The following IMPA1 variants were observed in gnomAD, a reference collection of about 807,000 sequenced individuals.
IMPA1 encodes inositol monophosphatase 1, also known as D-galactose 1-phosphate phosphatase.
A neutral mutation model predicts 34.9 loss-of-function variants in IMPA1; 21 were observed. That is an observed-to-expected ratio of 0.60 (90% CI 0.43 to 0.87). The LOEUF (loss-of-function observed/expected upper bound fraction) is 0.87, where lower values mean the gene tolerates loss of function less well. IMPA1 is among the 40% of genes least tolerant of loss of function. The pLI, the probability that IMPA1 is intolerant of heterozygous loss-of-function variation, is 0.00. For missense variants in IMPA1, 299 were observed against 336.4 expected, an observed-to-expected ratio of 0.89 and a Z score of 0.87; for synonymous variants, 95 against 104.4, an observed-to-expected ratio of 0.91 and a Z score of 0.55.
intron 3 of IMPA1, among the ~76,000 whole-genome samples, chr8:81,679,575 T>C (rs1807231280): frequency 6.7e-6 from 1 of 148,686 alleles, no homozygotes; most frequent in Non-Finnish European, 1.5e-5. Flanking sequence ...ATCGTGCCAC[T>C]GCACTCCAGC....
rs147358947 is a variant in IMPA1 at position 81,686,112 on chromosome 8, G to T, written c.-25+140C>A. ...GCTCCGGATAACGCAGCAGGCAGGGGTCACCCAGAGGCTGCCTCCACCCTA... is the reference window on the plus strand; with the variant it reads ...GCTCCGGATAACGCAGCAGGCAGGGTTCACCCAGAGGCTGCCTCCACCCTA... On this transcript the variant is annotated intron_variant, in intron 1 of 8. Coordinates refer to ENST00000256108, the MANE Select transcript of IMPA1 (RefSeq NM_005536.4). 4.3e-4 allele frequency: 353 copies of T among 826,012 alleles called. 2 individuals carry two copies. The African/African-American group carries it at 5.8e-3, about 14-fold the overall frequency. The allele number at this position is 826,012 out of a possible 1,614,324, so 51.2% of individuals were successfully genotyped here.
intron 7 of IMPA1, among the ~76,000 whole-genome samples, chr8:81,666,725 C>T (rs1806834208): frequency 6.6e-6 from 1 of 151,290 alleles, no homozygotes; most frequent in South Asian, 2.1e-4. Context: ...AATACAAAAG[C>T]CGGGCATGGT....
At chr8:81,668,403 G>A (rs1165573866) in intron 7 of IMPA1, among the ~76,000 whole-genome samples, 7 of 151,950 alleles carry the variant, frequency 4.6e-5, no homozygotes, top group Non-Finnish European at 1.0e-4. Context: ...TGGGCTGCAC[G>A]GCGAACCCCA....
chr8:81,684,126 CACAT>C (rs2130333201), intron 1 of IMPA1, among the ~76,000 whole-genome samples: 1 of 117,432 alleles, frequency 8.5e-6, no homozygotes, highest in African/African-American at 3.0e-5. Context: ...CACACACACA[CACAT>C]ACACACATAC....
rs1563589879 is a variant in IMPA1, at chr8:81,680,782, AC to A, written c.64del (p.Val22Ter). On this transcript the variant is annotated frameshift_variant and splice_region_variant, in exon 3 of 9. Transcript: ENST00000256108. LOFTEE classifies it high-confidence loss of function. ...AVTLARQAGEVVCEAIKNEMN... is the reference protein window; with the variant it reads ...AVTLARQAGEXVCEAIKNEMN... ...TTCATTTTTTATAGCTTCACAAACTACCTAAAAAGAGGTTTTGGTAAGCAAA... is the reference window on the plus strand; with the variant it reads ...TTCATTTTTTATAGCTTCACAAACTACTAAAAAGAGGTTTTGGTAAGCAAA... 1 of 1,594,010 alleles carries A rather than the reference AC, an allele frequency of 6.3e-7. No homozygotes were observed. The highest frequency in any genetic ancestry group is 8.6e-7 in the Non-Finnish European group (1 of 1,167,662).
At position 81,657,238 on chromosome 8, in the gene IMPA1, A is replaced by G. The variant is rs1220267282; in HGVS notation, c.*2113T>C. Among the ~76,000 whole-genome samples, 2 of 152,182 alleles carry G rather than the reference A, an allele frequency of 1.3e-5. No homozygotes were observed. Among genetic ancestry groups the G allele is most frequent in the African/African-American group, 2.4e-5 (1 of 41,458 alleles). ...GGAAAGATTACAGGCAAAAAATAAG[A>G]ACATATATTAAATTACATTTGCAAG... is the stretch of plus-strand genomic sequence containing the variant. On this transcript the variant is annotated 3_prime_UTR_variant, in exon 9 of 9. Coordinates refer to ENST00000256108, the MANE Select transcript of IMPA1 (RefSeq NM_005536.4).
In IMPA1 at chr8:81,684,564, T is replaced by TATCTA. The variant is rs1261951050; in HGVS notation, c.-25+1687_-25+1688insTAGAT. Among the ~76,000 whole-genome samples, 998 of 142,934 alleles carry TATCTA rather than the reference T, an allele frequency of 7.0e-3. 92 individuals carry two copies. The highest frequency in any genetic ancestry group is 8.9e-3 in the Non-Finnish European group (587 of 65,718). 93.8% of individuals were successfully genotyped at this position (142,934 alleles called of 152,430 possible). Reference sequence around the variant, plus strand: ...ACATAAGTATCTTTAGATACTAATGTGTAGTATATATACTACACATAAGTA... The same window carrying TATCTA: ...ACATAAGTATCTTTAGATACTAATGTATCTAGTAGTATATATACTACACATAAGTA... On this transcript the variant is annotated intron_variant, in intron 1 of 8. Coordinates refer to ENST00000256108, the MANE Select transcript of IMPA1 (RefSeq NM_005536.4).
At chr8:81,686,084 G>T in intron 1 of IMPA1, 168 bp downstream of exon 1, 2 of 950,760 alleles carry the variant, frequency 2.1e-6, no homozygotes, top group Non-Finnish European at 1.4e-6. Context: ...GTCGCCCAGG[G>T]CAGCTCCGGA....
chr8:81,681,546 C>G lies in IMPA1; in HGVS notation c.15G>C (p.Trp5Cys). ...TTACTGCATAATCCATGCATTCCTG[C>G]CAAGGATCAGCCATCTTCTGAAAAT... MADP[W>C]QECMDYAVTL... The change falls in exon 2 of 9, where the codon TGG becomes TGC. Residue 5 changes from tryptophan to cysteine, a missense_variant. Physicochemically the swap from Trp to Cys is radical, Grantham distance 215 (BLOSUM62 -2). Coordinates refer to ENST00000256108, the MANE Select transcript of IMPA1 (RefSeq NM_005536.4). 6.2e-7 allele frequency: 1 copy of G among 1,607,644 alleles called. No individual in the cohort carries two copies. Among genetic ancestry groups the G allele is most frequent in the Non-Finnish European group, 8.5e-7 (1 of 1,174,588 alleles).
At chr8:81,679,274 C>T in intron 3 of IMPA1, 44 bp from the exon 4 acceptor site, 1 of 1,203,164 alleles carries the variant, frequency 8.3e-7, no homozygotes, top group Non-Finnish European at 1.2e-6. Context: ...ACACTGATTT[C>T]AACAATTTCC....
intron 1 of IMPA1, among the ~76,000 whole-genome samples, chr8:81,682,703 C>T (rs556362263): frequency 6.6e-6 from 1 of 152,174 alleles, no homozygotes; most frequent in Non-Finnish European, 1.5e-5. Context: ...CAAGCTGTAC[C>T]TGCTTTCCTG....
rs536301325 is a variant in IMPA1 at position 81,683,008 on chromosome 8, TGCA to T, written c.-24-1427_-24-1425del. Among the ~76,000 whole-genome samples the T allele has an allele frequency of 3.3e-3, 509 of 152,252 alleles. 4 individuals carry two copies. The highest frequency in any genetic ancestry group is 5.7e-3 in the Non-Finnish European group (391 of 68,016). On this transcript the variant is annotated intron_variant, in intron 1 of 8. Transcript: ENST00000256108. ...AATAATATAAGTTAAGGAGAAGAAG[TGCA>T]ATGAGAAGCATCTAACAGGGGAGCT...
chr8:81,665,468 A>G (rs1168006127), intron 7 of IMPA1, among the ~76,000 whole-genome samples: 3 of 152,164 alleles, frequency 2.0e-5, no homozygotes, highest in Admixed American at 2.0e-4. Flanking sequence ...AGAAAGAAGT[A>G]AAAAGAGACA....
chr8:81,669,692 T>C (rs1179220084), intron 7 of IMPA1, among the ~76,000 whole-genome samples: 1 of 152,178 alleles, frequency 6.6e-6, no homozygotes, highest in Non-Finnish European at 1.5e-5. Flanking sequence ...AGTGAAGACT[T>C]TGGGACCCTG....
chr8:81,664,417 G>C (rs924517282), intron 7 of IMPA1, among the ~76,000 whole-genome samples: 1 of 152,184 alleles, frequency 6.6e-6, no homozygotes, highest in Admixed American at 6.5e-5. Flanking sequence ...TAGATACACA[G>C]AGTAGGGCAG....
chr8:81,668,079 T>G (rs919458805), intron 7 of IMPA1, among the ~76,000 whole-genome samples: 1 of 152,270 alleles, frequency 6.6e-6, no homozygotes, highest in African/African-American at 2.4e-5. Context: ...TGCCTCAGCC[T>G]CTCAAAGTGC....
chr8:81,673,886 C>G lies in IMPA1; in HGVS notation c.412G>C (p.Gly138Arg). ...AGTTTTTGACCATTACAAAAGGCAC[C>G]TTTTCCTTTTCTGGCAGTGTACATC... ...GKMYTARKGK[G>R]AFCNGQKLQV... The change falls in exon 6 of 9, where the codon GGT becomes CGT. Residue 138 changes from glycine to arginine, a missense_variant. Coordinates refer to ENST00000256108, the MANE Select transcript of IMPA1 (RefSeq NM_005536.4). 1 of 1,613,140 alleles carries G rather than the reference C, an allele frequency of 6.2e-7. No individual in the cohort carries two copies. Among genetic ancestry groups the G allele is most frequent in the Non-Finnish European group, 8.5e-7 (1 of 1,179,236 alleles).
At position 81,686,270 on chromosome 8, in the gene IMPA1, C is replaced by A; in HGVS notation, c.-43G>T. 1.0e-6 allele frequency: 1 copy of A among 1,000,170 alleles called. No homozygotes were observed. The allele number at this position is 1,000,170 out of a possible 1,614,324, so 62.0% of individuals were successfully genotyped here. ...GTCTCACCTTGAGTCGGAGGACGTC[C>A]GGCTAGCTCTGTGAACGGTGTTACC... On this transcript the variant is annotated 5_prime_UTR_variant, in exon 1 of 9. Transcript: ENST00000256108.
At chr8:81,673,703 A>C (rs2130290868) in intron 6 of IMPA1, 138 bp downstream of exon 6, 1 of 592,750 alleles carries the variant, frequency 1.7e-6, no homozygotes, top group East Asian at 2.8e-5. Flanking sequence ...TCAAAGCTGA[A>C]GTCAAAAAGA....
Sources: allele counts gnomAD v4.1 joint callset (sites outside exome capture counted in the v4.1 genomes callset), GRCh38; gene constraint gnomAD v4.1.1; transcripts MANE v1.5; gene names NCBI Gene and HGNC (gene_info 2026-07-23, HGNC 2026-07-21).